KAZN: variants seen among roughly 807,000 people sequenced by gnomAD.
KAZN encodes kazrin, periplakin interacting protein.
KAZN carries 40 observed loss-of-function variants against 87.4 expected under a neutral mutation model. That is an observed-to-expected ratio of 0.46 (90% confidence interval 0.36 to 0.60). The LOEUF is 0.60. Among genes scored for constraint, KAZN ranks in the 20% least tolerant of loss-of-function variants. The pLI is 0.00. For missense variants in KAZN, 898 were observed against 1,073.9 expected (o/e 0.84, Z 2.29); for synonymous variants, 466 against 458.3 (o/e 1.02, Z -0.22).
intron 2 of KAZN, among the ~76,000 whole-genome samples, chr1:14,537,817 A>C (rs140545320): frequency 6.2e-4 from 94 of 152,326 alleles, no homozygotes; most frequent in African/African-American, 2.2e-3. Flanking sequence ...TCAAGGAGCA[A>C]TAGAGGGAAG....
Position 15,072,012 on chromosome 1 carries a change from C to T in KAZN, c.1222+6259C>T, listed in dbSNP as rs1304187680. 9.2e-5 allele frequency among the ~76,000 whole-genome samples: 14 copies of T among 152,242 alleles called. No individual in the cohort carries two copies. In the East Asian group the frequency reaches 2.3e-3, roughly 25 times the overall value. On this transcript the variant is annotated intron_variant, in intron 8 of 14. Transcript: ENST00000376030. ...TTTGCCTTCGGGAAGTCATTTTTGC[C>T]CCCATCCAGAGGACCCTTGTAGCCC... is the stretch of plus-strand genomic sequence containing the variant.
intron 8 of KAZN, among the ~76,000 whole-genome samples, chr1:15,093,931 G>A (rs542918460): frequency 3.3e-5 from 5 of 152,308 alleles, no homozygotes; most frequent in Non-Finnish European, 7.3e-5. Flanking sequence ...TCACAGTCAC[G>A]TGGGGTGATC....
At chr1:14,056,297 G>C (rs1225586960) in intron 1 of KAZN, among the ~76,000 whole-genome samples, 1 of 152,188 alleles carries the variant, frequency 6.6e-6, no homozygotes, top group Non-Finnish European at 1.5e-5. Flanking sequence ...CAGATGGTTT[G>C]GTAGGATGAT....
rs554295496 is a variant in KAZN, at chr1:14,060,557, C to T, written c.92-119878C>T. The stretch of plus-strand genomic sequence containing the variant: ...GGGTTTGTAGAGAGGGAACAGTTTC[C>T]CTCTGAATTTCCCTGAGGGCAGGGA... On this transcript the variant is annotated intron_variant, in intron 1 of 16. Transcript: ENST00000636203. Among the ~76,000 whole-genome samples the T allele has an allele frequency of 7.9e-5, 12 of 152,142 alleles. No homozygotes were observed. The South Asian group carries it at 2.3e-3, about 29-fold the overall frequency.
At chr1:14,639,713 A>G (rs970215137) in intron 1 of KAZN, among the ~76,000 whole-genome samples, 1 of 151,924 alleles carries the variant, frequency 6.6e-6, no homozygotes, top group Non-Finnish European at 1.5e-5. Flanking sequence ...AACACCTAGG[A>G]TAGACTTGTA....
intron 1 of KAZN, among the ~76,000 whole-genome samples, chr1:14,604,905 G>C (rs1433534269): frequency 6.6e-6 from 1 of 152,194 alleles, no homozygotes; most frequent in East Asian, 1.9e-4. Flanking sequence ...GTTGGGGAGA[G>C]GAGGTGTCCT....
chr1:14,337,835 G>C lies in KAZN; in HGVS notation c.249+157243G>C, dbSNP rs547614010. ...CTTGAACTCAGGAGGCGGAGGTTAT[G>C]ATGAGCCAAGATTGAATCACTGTAC... On this transcript the variant is annotated intron_variant, in intron 2 of 16. Transcript: ENST00000636203. 2.0e-5 allele frequency among the ~76,000 whole-genome samples: 3 copies of C among 147,268 alleles called. No homozygotes were observed. The East Asian group carries it at 6.3e-4, about 31-fold the overall frequency.
At chr1:14,631,199 A>T (rs1030143919) in intron 1 of KAZN, among the ~76,000 whole-genome samples, 5 of 151,816 alleles carry the variant, frequency 3.3e-5, no homozygotes, top group African/African-American at 1.2e-4. Context: ...CTAGGAAGTG[A>T]CCCCCTCTGC....
At position 14,217,103 on chromosome 1, in the gene KAZN, T is replaced by C. The variant is rs545582501; in HGVS notation, c.249+36511T>C. On this transcript the variant is annotated intron_variant, in intron 2 of 16. Coordinates refer to the KAZN transcript ENST00000636203. ...ACTATGCTCTTATAAAAGGGAAAGT[T>C]CAGCCTCCTTTCCCTCTCTCTTTGC... Among the ~76,000 whole-genome samples, 21 of 152,266 alleles carry C rather than the reference T, an allele frequency of 1.4e-4. No homozygotes were observed. In the South Asian group the frequency reaches 4.4e-3, roughly 32 times the overall value.
intron 1 of KAZN, among the ~76,000 whole-genome samples, chr1:14,043,823 G>A (rs950956631): frequency 2.0e-5 from 3 of 152,174 alleles, no homozygotes; most frequent in African/African-American, 7.2e-5. Flanking sequence ...AAAAGGTTCA[G>A]TGACTTGTCT....
Position 14,835,432 on chromosome 1 carries a change from G to C in KAZN, c.227-125252G>C, listed in dbSNP as rs541085742. ...GAGCCAGAGAAAACCTGACGAGAAGGGGGTGGGGGCCGCAATCTGAGTGTC... is the reference window on the plus strand; with the variant it reads ...GAGCCAGAGAAAACCTGACGAGAAGCGGGTGGGGGCCGCAATCTGAGTGTC... On this transcript the variant is annotated intron_variant, in intron 1 of 14. Coordinates refer to ENST00000376030, the MANE Select transcript of KAZN (RefSeq NM_201628.3). Among the ~76,000 whole-genome samples, 850 of 152,294 alleles carry C rather than the reference G, an allele frequency of 5.6e-3. 9 individuals carry two copies. Among genetic ancestry groups the C allele is most frequent in the Non-Finnish European group, 0.01 (704 of 68,036 alleles).
intron 2 of KAZN, among the ~76,000 whole-genome samples, chr1:14,549,542 A>G (rs1218917679): frequency 6.6e-6 from 1 of 151,868 alleles, no homozygotes; most frequent in Non-Finnish European, 1.5e-5. Context: ...TGAGGTTTCC[A>G]GGACCAACAT....
intron 2 of KAZN, among the ~76,000 whole-genome samples, chr1:14,440,798 T>A (rs1666654273): frequency 6.6e-6 from 1 of 152,186 alleles, no homozygotes; most frequent in Non-Finnish European, 1.5e-5. Context: ...ACCTGTGACA[T>A]TCTGTGAATT....
intron 1 of KAZN, among the ~76,000 whole-genome samples, chr1:14,782,082 C>A (rs2100649032): frequency 6.6e-6 from 1 of 152,244 alleles, no homozygotes. Context: ...TAGTGTCTGG[C>A]ACATATAAAG....
At chr1:14,281,145 C>T (rs577285087) in intron 2 of KAZN, among the ~76,000 whole-genome samples, 1 of 152,248 alleles carries the variant, frequency 6.6e-6, no homozygotes, top group East Asian at 1.9e-4. Flanking sequence ...AGAGGCCTCC[C>T]GTCTTGCTTG....
chr1:14,517,433 A>T (rs1441630939), intron 2 of KAZN, among the ~76,000 whole-genome samples: 1 of 152,172 alleles, frequency 6.6e-6, no homozygotes, highest in East Asian at 1.9e-4. Context: ...CTGCCCCTGG[A>T]CTTTCCAATT....
intron 2 of KAZN, among the ~76,000 whole-genome samples, chr1:14,982,356 A>G (rs1572978145): frequency 6.7e-6 from 1 of 149,004 alleles, no homozygotes; most frequent in East Asian, 2.0e-4. Context: ...GGGACAGGGC[A>G]TGGGACAGTG....
intron 1 of KAZN, among the ~76,000 whole-genome samples, chr1:14,767,121 A>C (rs1644904801): frequency 6.6e-6 from 1 of 152,186 alleles, no homozygotes. Context: ...TGGATTTTAC[A>C]GACCGTGATG....
intron 1 of KAZN, among the ~76,000 whole-genome samples, chr1:14,721,790 C>G (rs12118752): frequency 0.27 from 40,388 of 152,014 alleles, 5,812 homozygotes; most frequent in South Asian, 0.42. Context: ...TCAATCAACC[C>G]CTCAGCTCTT....
Sources: gnomAD v4.1 joint callset for allele counts (sites outside exome capture counted in the v4.1 genomes callset) on GRCh38, gnomAD v4.1.1 for gene constraint, MANE v1.5 for transcripts, NCBI Gene and HGNC (gene_info 2026-07-23, HGNC 2026-07-21) for gene names.